The following RNF126 variants were observed in gnomAD, a reference collection of about 807,000 sequenced individuals.
RNF126 encodes ring finger protein 126.
A neutral mutation model predicts 41.9 loss-of-function variants in RNF126; 20 were observed. The ratio of observed to expected loss-of-function variants is 0.48; its 90% CI spans 0.34 to 0.69. RNF126 has a LOEUF of 0.69. Ranked by LOEUF, RNF126 falls within the 30% of genes least tolerant of loss-of-function variation. The probability of loss-of-function intolerance (pLI) is 0.01; values close to 1 mark genes in which losing one functional copy is unlikely to be tolerated. For missense variants in RNF126, 433 were observed against 460.6 expected (o/e 0.94, Z 0.55); for synonymous variants, 239 against 202.9 (o/e 1.18, Z -1.51).
chr19:653,104 C>A (rs1472170762), intron 1 of RNF126, among the ~76,000 whole-genome samples: 1 of 150,794 alleles, frequency 6.6e-6, no homozygotes, highest in Admixed American at 6.6e-5. Context: ...GCGATCTGAG[C>A]CCCTCCGACC....
intron 1 of RNF126, among the ~76,000 whole-genome samples, chr19:655,998 CAG>C (rs1339799690): frequency 6.6e-6 from 1 of 151,892 alleles, no homozygotes; most frequent in African/African-American, 2.4e-5. Flanking sequence ...GGCCGAGCCA[CAG>C]AGACAGAGAG....
At chr19:662,500 G>C (rs2030848245) in intron 1 of RNF126, among the ~76,000 whole-genome samples, 1 of 152,134 alleles carries the variant, frequency 6.6e-6, no homozygotes, top group Non-Finnish European at 1.5e-5. Flanking sequence ...CCGGGCCTGG[G>C]CCTGCCTCCA....
chr19:649,230 G>GGGGT (rs1555680180), intron 6 of RNF126: 1 of 258,744 alleles, frequency 3.9e-6, no homozygotes, highest in Non-Finnish European at 7.2e-6. Context: ...TGGGGGGGGG[G>GGGGT]GCCGCGCTCC....
chr19:652,076 G>C (rs75066375), intron 3 of RNF126, among the ~76,000 whole-genome samples, 157 bp downstream of exon 3: 1 of 152,134 alleles, frequency 6.6e-6, no homozygotes, highest in Non-Finnish European at 1.5e-5. Flanking sequence ...ACCAAGCAGC[G>C]TGGGCCGCCC....
At chr19:649,535 C>T (rs916351926) in intron 6 of RNF126, 144 bp downstream of exon 6, 9 of 643,780 alleles carry the variant, frequency 1.4e-5, no homozygotes, top group Non-Finnish European at 2.4e-5. Flanking sequence ...GAGCTGCCCC[C>T]TGTGCCCGCC....
chr19:651,424 C>T lies in RNF126; in HGVS notation c.443+187G>A, dbSNP rs775745255. 2.3e-4 allele frequency: 116 copies of T among 504,936 alleles called. 1 individual carries two copies. Among genetic ancestry groups the T allele is most frequent in the Non-Finnish European group, 3.3e-4 (102 of 310,974 alleles). The allele number at this position is 504,936 out of a possible 1,614,324, so 31.3% of individuals were successfully genotyped here. A position where few individuals can be genotyped will look rare whatever the true frequency, so the allele number is the denominator to read the frequency against. ...TGTGGTCAACCCACACACCCTGAACCGGCATACTTCTGTCTCCGAAGGGCC... is the reference window on the plus strand; with the variant it reads ...TGTGGTCAACCCACACACCCTGAACTGGCATACTTCTGTCTCCGAAGGGCC... On this transcript the variant is annotated intron_variant, in intron 4 of 8. Transcript: ENST00000292363.
chr19:660,187 C>T (rs753955560), intron 1 of RNF126, among the ~76,000 whole-genome samples: 2 of 152,244 alleles, frequency 1.3e-5, no homozygotes, highest in South Asian at 4.1e-4. Context: ...GGCCAGGTGC[C>T]GGCCACTCTG....
rs1282378471 is a variant in RNF126 at position 654,135 on chromosome 19, C to T, written c.76-1251G>A. 9.8e-5 allele frequency among the ~76,000 whole-genome samples: 15 copies of T among 152,372 alleles called. No homozygotes were observed. The South Asian group carries it at 1.0e-3, about 11-fold the overall frequency. On this transcript the variant is annotated intron_variant, in intron 1 of 8. Coordinates refer to ENST00000292363, the MANE Select transcript of RNF126 (RefSeq NM_194460.3). ...AGCTGGGCCCCCGCCCACACCACGC[C>T]GTGCCTGCCTCACCTGCTCCTGCCA...
At chr19:655,692 C>A (rs1266875119) in intron 1 of RNF126, among the ~76,000 whole-genome samples, 1 of 152,158 alleles carries the variant, frequency 6.6e-6, no homozygotes, top group East Asian at 1.9e-4. Context: ...ACTTTCACTC[C>A]AGGCGCAGAC....
Position 663,069 on chromosome 19 carries a change from AC to A in RNF126, c.52del (p.Val18TrpfsTer206). 7.3e-7 allele frequency: 1 copy of A among 1,378,304 alleles called. No homozygotes were observed. The highest frequency in any genetic ancestry group is 9.4e-7 in the Non-Finnish European group (1 of 1,060,494). 85.4% of individuals were successfully genotyped at this position (1,378,304 alleles called of 1,614,324 possible). On this transcript the variant is annotated frameshift_variant, in exon 1 of 9. Coordinates refer to ENST00000292363, the MANE Select transcript of RNF126 (RefSeq NM_194460.3). LOFTEE classifies it high-confidence loss of function. ...PGRYFCHCCS[V>X]EIVPRLPDYI... ...CACCGGCAGGCGCGGGACGATCTCC[AC>A]GGAGCAGCAGTGGCAGAAGTACCGT...
In RNF126 at chr19:648,364, G is replaced by GCCCCCCCCCCCCC; in HGVS notation, c.786+7_786+8insGGGGGGGGGGGGG. 3.9e-6 allele frequency: 2 copies of GCCCCCCCCCCCCC among 510,426 alleles called. No individual in the cohort carries two copies. Among genetic ancestry groups the GCCCCCCCCCCCCC allele is most frequent in the Non-Finnish European group, 7.2e-6 (2 of 278,296 alleles). The allele number at this position is 510,426 out of a possible 1,614,324, so 31.6% of individuals were successfully genotyped here. ...CGGGGTGGGGGGGCGGGTGGGCGGGGCACTCACCTGCTCCAGCCAGGGCAC... is the reference window on the plus strand; with the variant it reads ...CGGGGTGGGGGGGCGGGTGGGCGGGGCCCCCCCCCCCCCCACTCACCTGCTCCAGCCAGGGCAC... On this transcript the variant is annotated splice_region_variant and intron_variant, in intron 8 of 8. Coordinates refer to ENST00000292363, the MANE Select transcript of RNF126 (RefSeq NM_194460.3).
chr19:655,269 G>A (rs900581341), intron 1 of RNF126, among the ~76,000 whole-genome samples: 5 of 151,694 alleles, frequency 3.3e-5, no homozygotes, highest in Non-Finnish European at 7.4e-5. Context: ...GATCGAGACC[G>A]CAGTGAGCTG....
intron 1 of RNF126, among the ~76,000 whole-genome samples, chr19:662,414 G>A (rs991648523): frequency 6.6e-6 from 1 of 152,172 alleles, no homozygotes; most frequent in East Asian, 1.9e-4. Flanking sequence ...GCCCCGGGAG[G>A]GGAGGAACGC....
chr19:648,449 C>T lies in RNF126; in HGVS notation c.709G>A (p.Ala237Thr), dbSNP rs754692298. The change falls in exon 8 of 9, where the codon GCG becomes ACG. Residue 237 changes from alanine to threonine, a missense_variant. By Grantham distance (58) the Ala-to-Thr change is moderately conservative (BLOSUM62 0). Transcript: ENST00000292363. ...AGCTGCCGCACACGCTCACCCAGCG[C>T]GTAGTCGTCCTTGCACACAGGGCAC... is the stretch of plus-strand genomic sequence containing the variant. ...LECPVCKDDY[A>T]LGERVRQLPC... 11 of 1,590,102 alleles carry T rather than the reference C, an allele frequency of 6.9e-6. No homozygotes were observed. The Admixed American group carries it at 8.6e-5, about 12-fold the overall frequency.
rs2030723588 is a variant in RNF126 at position 659,902 on chromosome 19, T to G, written c.75+3145A>C. ...CCTCAGCCTCCTAAGTCACTGGGAC[T>G]ACAGGTGCCTGCCACCACGCCTGGC... On this transcript the variant is annotated intron_variant, in intron 1 of 8. Coordinates refer to ENST00000292363, the MANE Select transcript of RNF126 (RefSeq NM_194460.3). The surrounding 1 kb of genome is among the most constrained non-coding windows in gnomAD (Gnocchi z 4.9). Among the ~76,000 whole-genome samples the G allele has an allele frequency of 6.6e-6, 1 of 152,064 alleles. No individual in the cohort carries two copies. The highest frequency in any genetic ancestry group is 2.4e-5 in the African/African-American group (1 of 41,420).
rs999685073 is a variant in RNF126, at chr19:647,941, TGGCCCACGCCTTCCCAAGCCAGGG to T, written c.*163_*186del. ...TGGGGACGCCCCAGAGGGGACCATG[TGGCCCACGCCTTCCCAAGCCAGGG>T]GGCCGGTGGGCCGGGCCCGGGTCCT... On this transcript the variant is annotated 3_prime_UTR_variant, in exon 9 of 9. Coordinates refer to ENST00000292363, the MANE Select transcript of RNF126 (RefSeq NM_194460.3). 8.8e-6 allele frequency: 6 copies of T among 680,064 alleles called. No individual in the cohort carries two copies. 42.1% of individuals were successfully genotyped at this position (680,064 alleles called of 1,614,324 possible). A position where few individuals can be genotyped will look rare whatever the true frequency, so the allele number is the denominator to read the frequency against.
intron 4 of RNF126, chr19:651,297 A>C: frequency 4.3e-6 from 1 of 231,618 alleles, no homozygotes; most frequent in East Asian, 9.1e-5. Flanking sequence ...CGGCTCCCCC[A>C]GGCTCTGTTC....
intron 1 of RNF126, among the ~76,000 whole-genome samples, 186 bp downstream of exon 1, chr19:662,861 G>A (rs1221907453): frequency 6.6e-6 from 1 of 151,976 alleles, no homozygotes; most frequent in Non-Finnish European, 1.5e-5. Context: ...ACAGGACGGG[G>A]TTCGCGCGCG....
Position 650,264 on chromosome 19 carries a change from GTGA to G in RNF126, c.473_475del (p.Ile158del). On this transcript the variant is annotated inframe_deletion, in exon 5 of 9. Transcript: ENST00000292363. ...GCCCAGGCTGGGGATGGTGGCGGGC[GTGA>G]TGATGCCGTTGACGAGCTGCTGGAT... 6.3e-7 allele frequency: 1 copy of G among 1,582,904 alleles called. No homozygotes were observed. Among genetic ancestry groups the G allele is most frequent in the Non-Finnish European group, 8.6e-7 (1 of 1,166,042 alleles).
Sources: allele counts gnomAD v4.1 joint callset (sites outside exome capture counted in the v4.1 genomes callset), GRCh38; gene constraint gnomAD v4.1.1; non-coding constraint Gnocchi (gnomAD v3.1); transcripts MANE v1.5; gene names NCBI Gene and HGNC (gene_info 2026-07-23, HGNC 2026-07-21).